ZNF75A: variants seen among roughly 807,000 people sequenced by gnomAD.
ZNF75A encodes zinc finger protein 75A.
ZNF75A carries 36 observed loss-of-function variants against 46.3 expected under a neutral mutation model. The observed-to-expected ratio is 0.78, with a 90% CI of 0.60 to 1.03. ZNF75A has a LOEUF of 1.03. Among genes scored for constraint, ZNF75A ranks in the 50% least tolerant of loss-of-function variants. ZNF75A has a pLI of 0.00. For missense variants in ZNF75A, 595 were observed against 551.3 expected (o/e 1.08, Z -0.79); for synonymous variants, 234 against 189.9 (o/e 1.23, Z -1.91).
chr16:3,315,706 C>G (rs1026265327), intron 5 of ZNF75A, among the ~76,000 whole-genome samples: 2 of 152,216 alleles, frequency 1.3e-5, no homozygotes, highest in Non-Finnish European at 2.9e-5. Context: ...TGTCCTCCCA[C>G]AGTCTGTTTT....
intron 3 of ZNF75A, chr16:3,312,264 A>G (rs1960865125): frequency 6.6e-6 from 1 of 152,266 alleles, no homozygotes; most frequent in Non-Finnish European, 1.5e-5. Context: ...TGTAAAATAC[A>G]GAAGGAATTG....
chr16:3,315,690 C>T (rs533224528), intron 5 of ZNF75A, among the ~76,000 whole-genome samples: 63 of 152,338 alleles, frequency 4.1e-4, no homozygotes, highest in Non-Finnish European at 8.1e-4. Context: ...CCCCTGCCTT[C>T]GCTCTTGTCC....
At chr16:3,313,452 C>G (rs1960961743) in intron 5 of ZNF75A, among the ~76,000 whole-genome samples, 1 of 152,214 alleles carries the variant, frequency 6.6e-6, no homozygotes, top group Non-Finnish European at 1.5e-5. Flanking sequence ...GGGGCACATT[C>G]ATTATCCAGT....
At chr16:3,315,358 A>AT (rs1299967759) in intron 5 of ZNF75A, among the ~76,000 whole-genome samples, 6 of 151,340 alleles carry the variant, frequency 4.0e-5, no homozygotes, top group Non-Finnish European at 5.9e-5. Context: ...TGCCCAGCTA[A>AT]TTTTTTTTGT....
At chr16:3,311,709 C>G in intron 2 of ZNF75A, 44 bp from the exon 3 acceptor site, 1 of 1,017,552 alleles carries the variant, frequency 9.8e-7, no homozygotes, top group Non-Finnish European at 1.2e-6. Context: ...CCCCCACAAA[C>G]CAAAAGTAAG....
chr16:3,317,238 C>A lies in ZNF75A; in HGVS notation c.983C>A (p.Ser328Tyr), dbSNP rs1961283717. Reference sequence around the variant, plus strand: ...GAAAATCATCAGCCTGTGTCTCTTTCTGACTTAGAAATACAAGCATCAGCA... The same window carrying A: ...GAAAATCATCAGCCTGTGTCTCTTTATGACTTAGAAATACAAGCATCAGCA... Reference protein sequence around the residue: ...DTENHQPVSLSDLEIQASAGV... With the variant: ...DTENHQPVSLYDLEIQASAGV... The change falls in exon 7 of 7, where the codon TCT becomes TAT. Residue 328 changes from serine to tyrosine, a missense_variant. Physicochemically the swap from Ser to Tyr is moderately radical, Grantham distance 144 (BLOSUM62 -2). Coordinates refer to ENST00000669516, the MANE Select transcript of ZNF75A (RefSeq NM_001302109.2). 6.2e-7 allele frequency: 1 copy of A among 1,613,574 alleles called. No individual in the cohort carries two copies. Among genetic ancestry groups the A allele is most frequent in the Admixed American group, 1.7e-5 (1 of 59,936 alleles).
At position 3,317,003 on chromosome 16, in the gene ZNF75A, T is replaced by G. The variant is rs1357429386; in HGVS notation, c.915T>G (p.Ser305Arg). The G allele has an allele frequency of 6.2e-7, 1 of 1,613,924 alleles. No individual in the cohort carries two copies. The highest frequency in any genetic ancestry group is 1.1e-5 in the South Asian group (1 of 91,054). ...AAGTATCCCCGGAGTTTAAGGATAG[T>G]GCCGGAAAATCTCCTACAGGTAAAT... is the stretch of plus-strand genomic sequence containing the variant. ...WVQVSPEFKD[S>R]AGKSPTGLKL... Residue 305 changes from serine to arginine, a missense_variant, in exon 6 of 7, where the codon AGT becomes AGG. Ser to Arg is a moderately radical substitution (Grantham distance 110, BLOSUM62 -1). Coordinates refer to ENST00000669516, the MANE Select transcript of ZNF75A (RefSeq NM_001302109.2).
In ZNF75A at chr16:3,317,428, T is replaced by A; in HGVS notation, c.1173T>A (p.Arg391=). 6.2e-7 allele frequency: 1 copy of A among 1,614,142 alleles called. No individual in the cohort carries two copies. Among genetic ancestry groups the A allele is most frequent in the Non-Finnish European group, 8.5e-7 (1 of 1,180,026 alleles). The part of the protein sequence containing the change: ...WKQELLKLMD[R]HKKDCAREKP... Reference sequence around the variant, plus strand: ...AAGAGCTGCTCAAACTTATGGATCGTCACAAGAAAGATTGTGCAAGAGAGA... The same window carrying A: ...AAGAGCTGCTCAAACTTATGGATCGACACAAGAAAGATTGTGCAAGAGAGA... The change falls in exon 7 of 7, where the codon CGT becomes CGA. Residue 391 remains arginine (R), a synonymous_variant. Transcript: ENST00000669516.
chr16:3,319,996 TA>T (rs1229939642), downstream of ZNF75A, among the ~76,000 whole-genome samples: 1 of 152,126 alleles, frequency 6.6e-6, no homozygotes, highest in Non-Finnish European at 1.5e-5. Flanking sequence ...TTTGTTCTGT[TA>T]AATCACTGAG....
chr16:3,309,856 G>A (rs569237966), intron 2 of ZNF75A, among the ~76,000 whole-genome samples: 16 of 151,094 alleles, frequency 1.1e-4, no homozygotes, highest in African/African-American at 2.4e-4. Context: ...CCTATATTTC[G>A]AACACTTTAG....
chr16:3,310,931 T>A, intron 2 of ZNF75A: 1 of 985,478 alleles, frequency 1.0e-6, no homozygotes, highest in Non-Finnish European at 1.2e-6. Context: ...ATGTTTGGTG[T>A]CAGAATCATC....
intron 5 of ZNF75A, among the ~76,000 whole-genome samples, chr16:3,315,643 T>G (rs903415336): frequency 3.3e-5 from 5 of 152,212 alleles, no homozygotes; most frequent in African/African-American, 1.2e-4. Flanking sequence ...CAGTGTCATC[T>G]TGAAGCAGAT....
At chr16:3,311,075 A>G (rs2150808224) in intron 2 of ZNF75A, 2 of 505,310 alleles carry the variant, frequency 4.0e-6, no homozygotes, top group African/African-American at 2.1e-5. Flanking sequence ...AGAGAAAACT[A>G]GAAGACAGAA....
Position 3,313,356 on chromosome 16 carries a change from C to T in ZNF75A, c.823+181C>T, listed in dbSNP as rs114843841. ...TGGAGCTTTTTCCAAATGTACATGC[C>T]GATTGCTTATCCCACATTGAGTCCT... On this transcript the variant is annotated intron_variant, in intron 5 of 6. Coordinates refer to ENST00000669516, the MANE Select transcript of ZNF75A (RefSeq NM_001302109.2). Among the ~76,000 whole-genome samples, 654 of 152,274 alleles carry T rather than the reference C, an allele frequency of 4.3e-3. 6 individuals are homozygous for T. Among genetic ancestry groups the T allele is most frequent in the African/African-American group, 0.015 (605 of 41,562 alleles).
chr16:3,316,171 T>C (rs974339374), intron 5 of ZNF75A: 2 of 152,260 alleles, frequency 1.3e-5, no homozygotes, highest in Admixed American at 1.3e-4. Context: ...TGTTTATTGA[T>C]TGATTGTGCC....
intron 2 of ZNF75A, 118 bp from the exon 3 acceptor site, chr16:3,311,635 G>C: frequency 2.8e-6 from 1 of 355,224 alleles, no homozygotes; most frequent in Non-Finnish European, 3.9e-6. Context: ...GCCTTTTTTT[G>C]TCATTTTTTT....
rs1226106713 is a variant in ZNF75A at position 3,317,907 on chromosome 16, C to G, written c.*38C>G. ...CCAGTGTCCTCATTCTGAAGACATTCACCAAATGGAGCTTGGCACTAAAAT... is the reference window on the plus strand; with the variant it reads ...CCAGTGTCCTCATTCTGAAGACATTGACCAAATGGAGCTTGGCACTAAAAT... On this transcript the variant is annotated 3_prime_UTR_variant, in exon 7 of 7. Coordinates refer to ENST00000669516, the MANE Select transcript of ZNF75A (RefSeq NM_001302109.2). The G allele has an allele frequency of 6.6e-7, 1 of 1,526,112 alleles. No homozygotes were observed. The highest frequency in any genetic ancestry group is 8.8e-7 in the Non-Finnish European group (1 of 1,138,232). The allele number at this position is 1,526,112 out of a possible 1,614,324, so 94.5% of individuals were successfully genotyped here.
intron 3 of ZNF75A, 77 bp from the exon 4 acceptor site, chr16:3,312,600 C>T: frequency 1.7e-6 from 1 of 603,082 alleles, no homozygotes; most frequent in Non-Finnish European, 2.1e-6. Context: ...CTTAAAAAGT[C>T]AGGATCAGTG....
chr16:3,310,846 C>G, intron 2 of ZNF75A: 1 of 985,464 alleles, frequency 1.0e-6, no homozygotes, highest in Admixed American at 6.2e-5. Context: ...AAGTTGGGAG[C>G]CAGGGTATGA....
Sources: gnomAD v4.1 joint callset for allele counts (sites outside exome capture counted in the v4.1 genomes callset) on GRCh38, gnomAD v4.1.1 for gene constraint, MANE v1.5 for transcripts, NCBI Gene and HGNC (gene_info 2026-07-23, HGNC 2026-07-21) for gene names.